The following FMN1 variants were observed in gnomAD, a reference collection of about 807,000 sequenced individuals.
FMN1 encodes the protein formin-1.
In FMN1, 110 loss-of-function variants were observed where a neutral mutation model predicts 132.4. The observed-to-expected ratio is 0.83, with a 90% confidence interval of 0.71 to 0.97. FMN1 has a LOEUF of 0.97. Among genes scored for constraint, FMN1 ranks in the 50% least tolerant of loss-of-function variants. The pLI is 0.00. For synonymous variants in FMN1, 722 were observed against 651.7 expected (o/e 1.11, Z -1.64); for missense variants, 1,792 against 1,705.3 (o/e 1.05, Z -0.90).
At chr15:33,026,410 T>TCACACA (rs71113496) in intron 6 of FMN1, among the ~76,000 whole-genome samples, 25,238 of 140,088 alleles carry the variant, frequency 0.18, 2,466 homozygotes, top group Middle Eastern at 0.24. Flanking sequence ...GTCCAAATTT[T>TCACACA]CACACACACA....
chr15:33,165,385 A>G (rs918685976), intron 3 of FMN1, among the ~76,000 whole-genome samples: 1 of 152,116 alleles, frequency 6.6e-6, no homozygotes, highest in Non-Finnish European at 1.5e-5. Context: ...AAGGGGTTTA[A>G]GTAGGTTTTT....
intron 19 of FMN1, among the ~76,000 whole-genome samples, chr15:32,777,509 A>G (rs1166955381): frequency 1.1e-5 from 1 of 93,468 alleles, no homozygotes; most frequent in South Asian, 3.3e-4. Flanking sequence ...ATAACATATA[A>G]CACATTTATA....
intron 9 of FMN1, among the ~76,000 whole-genome samples, 161 bp from the exon 10 acceptor site, chr15:32,926,422 T>C (rs886975010): frequency 6.6e-6 from 1 of 152,256 alleles, no homozygotes; most frequent in East Asian, 1.9e-4. Context: ...AAGTAACTTA[T>C]GCACAATTAT....
At position 33,086,534 on chromosome 15, in the gene FMN1, TAC is replaced by T. The variant is rs557137522; in HGVS notation, c.2043+2263_2043+2264del. ...TACAGAGGAAAAGGAAAACCAGAAA[TAC>T]ACAGTTTAGCCAATTTTAAAAAACA... On this transcript the variant is annotated intron_variant, in intron 5 of 20. Transcript: ENST00000616417. 1.7e-3 allele frequency among the ~76,000 whole-genome samples: 254 copies of T among 152,170 alleles called. 1 individual carries two copies. The highest frequency in any genetic ancestry group is 5.2e-3 in the African/African-American group (215 of 41,500).
At chr15:32,837,465 A>G (rs2058654270) in intron 17 of FMN1, 1 of 152,476 alleles carries the variant, frequency 6.6e-6, no homozygotes, top group Admixed American at 6.5e-5. Context: ...GATCCATCAG[A>G]AAGTCTCAAG....
At chr15:32,930,941 G>C (rs1294505256) in intron 9 of FMN1, among the ~76,000 whole-genome samples, 1 of 152,056 alleles carries the variant, frequency 6.6e-6, no homozygotes, top group East Asian at 1.9e-4. Flanking sequence ...CTATCTGTTG[G>C]AGAGACTATC....
chr15:33,006,576 A>G (rs753320998), intron 7 of FMN1, among the ~76,000 whole-genome samples: 1 of 152,206 alleles, frequency 6.6e-6, no homozygotes, highest in South Asian at 2.1e-4. Context: ...TGTTGAAGAG[A>G]TATCTACACT....
At chr15:33,126,952 A>C (rs1459861503) in intron 4 of FMN1, among the ~76,000 whole-genome samples, 1 of 152,252 alleles carries the variant, frequency 6.6e-6, no homozygotes, top group Non-Finnish European at 1.5e-5. Flanking sequence ...CTGACAAAGA[A>C]CTGTGGTTGG....
At position 32,774,064 on chromosome 15, in the gene FMN1, A is replaced by G. The variant is rs1411325683; in HGVS notation, c.*246T>C. 8.0e-6 allele frequency: 4 copies of G among 499,902 alleles called. No individual in the cohort carries two copies. Among genetic ancestry groups the G allele is most frequent in the Non-Finnish European group, 1.4e-5 (4 of 287,756 alleles). 31.0% of individuals were successfully genotyped at this position (499,902 alleles called of 1,614,324 possible). A position where few individuals can be genotyped will look rare whatever the true frequency, so the allele number is the denominator to read the frequency against. ...CTCTTAGAGTGGACTTTGGGCTTCCACAAGAAACAGTCATCAAATATTTCT... is the reference window on the plus strand; with the variant it reads ...CTCTTAGAGTGGACTTTGGGCTTCCGCAAGAAACAGTCATCAAATATTTCT... On this transcript the variant is annotated 3_prime_UTR_variant, in exon 21 of 21. Coordinates refer to ENST00000616417, the MANE Select transcript of FMN1 (RefSeq NM_001277313.2).
intron 4 of FMN1, among the ~76,000 whole-genome samples, chr15:33,127,919 T>C (rs573079572): frequency 6.3e-4 from 87 of 137,624 alleles, no homozygotes; most frequent in Non-Finnish European, 1.2e-3. Flanking sequence ...TGGAGACAGA[T>C]GGAAATAGAA....
intron 9 of FMN1, 51 bp from the exon 10 acceptor site, chr15:32,926,312 T>G: frequency 9.4e-7 from 1 of 1,059,646 alleles, no homozygotes; most frequent in South Asian, 1.5e-5. Context: ...GACCATGCAG[T>G]CTTTCAGGAC....
At chr15:32,996,852 A>G (rs1480526046) in intron 7 of FMN1, among the ~76,000 whole-genome samples, 1 of 152,192 alleles carries the variant, frequency 6.6e-6, no homozygotes, top group African/African-American at 2.4e-5. Context: ...AGGTGGCAGC[A>G]TAGAGAACAC....
At chr15:33,159,092 G>A (rs528691641) in intron 3 of FMN1, among the ~76,000 whole-genome samples, 1 of 152,242 alleles carries the variant, frequency 6.6e-6, no homozygotes, top group Non-Finnish European at 1.5e-5. Context: ...TAAGGCATAA[G>A]AATTGCTTCA....
At chr15:32,999,908 T>C (rs1353766224) in intron 7 of FMN1, among the ~76,000 whole-genome samples, 1 of 152,184 alleles carries the variant, frequency 6.6e-6, no homozygotes, top group Admixed American at 6.5e-5. Flanking sequence ...TCCAAAGAAG[T>C]CCTACTAATC....
At chr15:32,963,696 C>T (rs549037999) in intron 9 of FMN1, among the ~76,000 whole-genome samples, 1 of 152,258 alleles carries the variant, frequency 6.6e-6, no homozygotes, top group South Asian at 2.1e-4. Flanking sequence ...TCCATATAAC[C>T]TGTAGACTAC....
intron 5 of FMN1, among the ~76,000 whole-genome samples, chr15:33,082,704 C>T (rs1164121065): frequency 6.6e-6 from 1 of 152,124 alleles, no homozygotes; most frequent in Non-Finnish European, 1.5e-5. Flanking sequence ...ACATAAAAAA[C>T]TGACTCTTCA....
At chr15:33,189,887 T>A (rs1966015012) in intron 2 of FMN1, among the ~76,000 whole-genome samples, 1 of 152,232 alleles carries the variant, frequency 6.6e-6, no homozygotes, top group Non-Finnish European at 1.5e-5. Context: ...TTTCTCAGAA[T>A]AGAGCATCAA....
intron 4 of FMN1, chr15:33,150,606 G>A: frequency 1.0e-6 from 1 of 985,438 alleles, no homozygotes; most frequent in Non-Finnish European, 1.2e-6. Flanking sequence ...GCTTAGTCTT[G>A]TAACAAGGAT....
At chr15:33,151,151 G>T in intron 4 of FMN1, 1 of 1,458,134 alleles carries the variant, frequency 6.9e-7, no homozygotes, top group Non-Finnish European at 9.0e-7. Flanking sequence ...ACTATCTGGG[G>T]AACTCCCTCC....
Sources: gnomAD v4.1 joint callset for allele counts (sites outside exome capture counted in the v4.1 genomes callset) on GRCh38, gnomAD v4.1.1 for gene constraint, MANE v1.5 for transcripts, NCBI Gene and HGNC (gene_info 2026-07-23, HGNC 2026-07-21) for gene names.